Variants in VPS26C observed in about 807,000 individuals in gnomAD.
VPS26C encodes the protein vacuolar protein sorting-associated protein 26C.
A neutral mutation model predicts 30.6 loss-of-function variants in VPS26C; 19 were observed. The ratio of observed to expected loss-of-function variants is 0.62; its 90% CI spans 0.43 to 0.91. VPS26C has a LOEUF of 0.91. Among genes scored for constraint, VPS26C ranks in the 40% least tolerant of loss-of-function variants. The pLI is 0.00. For synonymous variants in VPS26C, 132 were observed against 151.5 expected (o/e 0.87, Z 0.95); for missense variants, 318 against 385.1 (o/e 0.83, Z 1.46).
At position 37,228,359 on chromosome 21, in the gene VPS26C, G is replaced by C. The variant is rs781480745; in HGVS notation, c.522C>G (p.Pro174=). 2.5e-6 allele frequency: 4 copies of C among 1,613,992 alleles called. No homozygotes were observed. Among genetic ancestry groups the C allele is most frequent in the Non-Finnish European group, 3.4e-6 (4 of 1,180,048 alleles). The part of the protein sequence containing the change: ...LQNVKERALL[P]KFLLRGHLNS... ...TGAGATGTCCTCGAAGGAGAAATTT[G>C]GGAAGCAAAGCTCTCTAAAACAAAA... is the stretch of plus-strand genomic sequence containing the variant. The change falls in exon 6 of 8, where the codon CCC becomes CCG. Residue 174 remains proline (P), a synonymous_variant. Coordinates refer to ENST00000309117, the MANE Select transcript of VPS26C (RefSeq NM_006052.2).
At chr21:37,229,235 GGAA>G (rs34179390) in intron 5 of VPS26C, 56,225 of 153,002 alleles carry the variant, frequency 0.37, 10,985 homozygotes, top group East Asian at 0.54. Context: ...GGGCCACGTT[GGAA>G]GAAGAAGAAT....
In VPS26C at chr21:37,240,497, T is replaced by G; in HGVS notation, c.200A>C (p.Lys67Thr). ...GVFEAFYNSV[K>T]PIQIINSTIE... ...TGCAATCTAAGCATTCTTTCTTACCTTAACAGAATTATAAAAAGCTTCAAA... is the reference window on the plus strand; with the variant it reads ...TGCAATCTAAGCATTCTTTCTTACCGTAACAGAATTATAAAAAGCTTCAAA... The change falls in exon 2 of 8, where the codon AAG becomes ACG. Residue 67 changes from lysine (K) to threonine (T), a missense_variant and splice_region_variant. By Grantham distance (78) the Lys-to-Thr change is moderately conservative. Coordinates refer to ENST00000309117, the MANE Select transcript of VPS26C (RefSeq NM_006052.2). 1.2e-6 allele frequency: 2 copies of G among 1,613,916 alleles called. No individual in the cohort carries two copies. The highest frequency in any genetic ancestry group is 1.7e-6 in the Non-Finnish European group (2 of 1,179,972).
At chr21:37,246,564 T>G (rs2086139749) in intron 1 of VPS26C, among the ~76,000 whole-genome samples, 1 of 152,166 alleles carries the variant, frequency 6.6e-6, no homozygotes, top group African/African-American at 2.4e-5. Context: ...GAGGATTAAC[T>G]CCATTTAATT....
chr21:37,267,494 G>A, upstream of VPS26C: 1 of 598,530 alleles, frequency 1.7e-6, no homozygotes, highest in Non-Finnish European at 3.0e-6. Context: ...CACAAGAGCC[G>A]GCCTTAGTGC....
chr21:37,265,400 T>C lies in VPS26C; in HGVS notation c.57+1838A>G, dbSNP rs188939735. On this transcript the variant is annotated intron_variant, in intron 1 of 7. Transcript: ENST00000309117. ...ATTCACTTTCTTTCTCCTATACACA[T>C]ATGTGCATAAACATATGTGCACAGT... is the stretch of plus-strand genomic sequence containing the variant. 3.4e-3 allele frequency among the ~76,000 whole-genome samples: 524 copies of C among 152,336 alleles called. 3 individuals carry two copies. The highest frequency in any genetic ancestry group is 0.011 in the African/African-American group (476 of 41,570).
At position 37,228,576 on chromosome 21, in the gene VPS26C, T is replaced by C. The variant is rs561147910; in HGVS notation, c.508-203A>G. On this transcript the variant is annotated intron_variant, in intron 5 of 7. Transcript: ENST00000309117. ...GAATTATTCAACGACTCTCTACATA[T>C]GGCACCTGACTGACACTCTGTGTAC... 16 of 551,198 alleles carry C rather than the reference T, an allele frequency of 2.9e-5. No homozygotes were observed. The East Asian group carries it at 5.2e-4, about 18-fold the overall frequency. The allele number at this position is 551,198 out of a possible 1,614,324, so 34.1% of individuals were successfully genotyped here.
chr21:37,235,179 G>A lies in VPS26C; in HGVS notation c.352-1737C>T, dbSNP rs144256858. 2.0e-3 allele frequency among the ~76,000 whole-genome samples: 301 copies of A among 152,246 alleles called. 7 individuals carry two copies. The East Asian group carries it at 0.052, about 26-fold the overall frequency. ...CCACCACCATGCCCGGCTAATTTTT[G>A]TATTTTAGTAGAGATGGGGTTTCAC... On this transcript the variant is annotated intron_variant, in intron 3 of 7. Coordinates refer to ENST00000309117, the MANE Select transcript of VPS26C (RefSeq NM_006052.2).
intron 1 of VPS26C, among the ~76,000 whole-genome samples, chr21:37,256,969 C>A (rs2086249590): frequency 6.6e-6 from 1 of 151,992 alleles, no homozygotes; most frequent in Admixed American, 6.6e-5. Flanking sequence ...AACCCTGTCT[C>A]TACAAATAAA....
chr21:37,267,347 A>G, upstream of VPS26C: 1 of 1,540,822 alleles, frequency 6.5e-7, no homozygotes, highest in Non-Finnish European at 9.0e-7. Context: ...CCCCAGGGAA[A>G]CAAGGGGCGC....
intron 1 of VPS26C, among the ~76,000 whole-genome samples, chr21:37,263,599 A>G (rs1011670399): frequency 1.3e-5 from 2 of 152,064 alleles, no homozygotes; most frequent in African/African-American, 4.8e-5. Flanking sequence ...GTCAAACCCT[A>G]CCCCAGAACC....
upstream of VPS26C, chr21:37,267,373 T>C: frequency 7.6e-7 from 1 of 1,321,734 alleles, no homozygotes; most frequent in East Asian, 2.3e-5. Context: ...CGCTTCGTTC[T>C]GGGCCCCGCC....
chr21:37,242,367 CAGG>C (rs1217751979), intron 1 of VPS26C, among the ~76,000 whole-genome samples: 1 of 152,132 alleles, frequency 6.6e-6, no homozygotes, highest in Non-Finnish European at 1.5e-5. Flanking sequence ...GAGGCTAAGG[CAGG>C]AGGATCACTT....
chr21:37,244,303 C>T (rs967852593), intron 1 of VPS26C, among the ~76,000 whole-genome samples: 5 of 152,234 alleles, frequency 3.3e-5, no homozygotes, highest in Non-Finnish European at 7.3e-5. Context: ...GGCTGGAGTG[C>T]AGCGGCACGC....
chr21:37,264,066 GA>G (rs1188299226), intron 1 of VPS26C, among the ~76,000 whole-genome samples: 1 of 152,140 alleles, frequency 6.6e-6, no homozygotes, highest in Admixed American at 6.6e-5. Flanking sequence ...CACCTACCCT[GA>G]ATTACAGATC....
At chr21:37,240,924 G>A (rs2086080735) in intron 1 of VPS26C, among the ~76,000 whole-genome samples, 1 of 152,126 alleles carries the variant, frequency 6.6e-6, no homozygotes, top group Non-Finnish European at 1.5e-5. Context: ...TCCTGGTTGG[G>A]GAATCTCAAC....
At chr21:37,241,317 C>A (rs527796260) in intron 1 of VPS26C, among the ~76,000 whole-genome samples, 1 of 152,182 alleles carries the variant, frequency 6.6e-6, no homozygotes, top group Non-Finnish European at 1.5e-5. Flanking sequence ...GACTTCACAA[C>A]AGATCATCTG....
chr21:37,240,860 G>A (rs145778046), intron 1 of VPS26C, among the ~76,000 whole-genome samples: 149 of 152,294 alleles, frequency 9.8e-4, no homozygotes, highest in African/African-American at 3.3e-3. Flanking sequence ...GGGAGCACCC[G>A]GGTGTGGGGA....
At position 37,232,469 on chromosome 21, in the gene VPS26C, A is replaced by G. The variant is rs1263984749; in HGVS notation, c.433-18T>C. ...TTCTGAGGCTAAAACGAGAGGTGAA[A>G]CCGAAATCAGTAGGTGAAGGCCAAG... is the stretch of plus-strand genomic sequence containing the variant. On this transcript the variant is annotated intron_variant, in intron 4 of 7. Transcript: ENST00000309117. 4 of 1,610,048 alleles carry G rather than the reference A, an allele frequency of 2.5e-6. No individual in the cohort carries two copies. The highest frequency in any genetic ancestry group is 3.4e-6 in the Non-Finnish European group (4 of 1,176,476).
At chr21:37,260,576 G>A (rs950590506) in intron 1 of VPS26C, among the ~76,000 whole-genome samples, 2 of 152,182 alleles carry the variant, frequency 1.3e-5, no homozygotes, top group African/African-American at 4.8e-5. Flanking sequence ...TGCTTAGGGA[G>A]AAGGTGCCCC....
Sources: allele counts gnomAD v4.1 joint callset (sites outside exome capture counted in the v4.1 genomes callset), GRCh38; gene constraint gnomAD v4.1.1; transcripts MANE v1.5; gene names NCBI Gene and HGNC (gene_info 2026-07-23, HGNC 2026-07-21).